DNAH2: variants seen among roughly 807,000 people sequenced by gnomAD.
DNAH2 encodes axonemal beta dynein heavy chain 2.
DNAH2 carries 323 observed loss-of-function variants against 523.5 expected under a neutral mutation model. The observed-to-expected ratio is 0.62, with a 90% CI of 0.56 to 0.68. DNAH2 has a LOEUF of 0.68. DNAH2 is among the 30% of genes least tolerant of loss of function. The pLI is 0.00. For synonymous variants in DNAH2, 2,093 were observed against 2,177.4 expected (o/e 0.96, Z 1.08); for missense variants, 4,907 against 5,701.5 (o/e 0.86, Z 4.49).
intron 63 of DNAH2, among the ~76,000 whole-genome samples, chr17:7,810,765 C>T (rs1312146026): frequency 6.6e-6 from 1 of 152,156 alleles, no homozygotes; most frequent in African/African-American, 2.4e-5. Flanking sequence ...AGTAAGAATC[C>T]CTGGCAGAGC....
Position 7,768,076 on chromosome 17 carries a change from C to T in DNAH2, c.3837+15C>T, listed in dbSNP as rs1325353734. On this transcript the variant is annotated intron_variant, in intron 23 of 85. Coordinates refer to ENST00000572933, the MANE Select transcript of DNAH2 (RefSeq NM_020877.5). ...AAGAGTATAAGGTGGGGAGAAACGGCGGGGAGGCGGAAGAGAAGCTGGTGG... is the reference window on the plus strand; with the variant it reads ...AAGAGTATAAGGTGGGGAGAAACGGTGGGGAGGCGGAAGAGAAGCTGGTGG... The T allele has an allele frequency of 1.2e-5, 20 of 1,613,912 alleles. No individual in the cohort carries two copies. The highest frequency in any genetic ancestry group is 2.2e-5 in the South Asian group (2 of 91,086).
intron 30 of DNAH2, 104 bp downstream of exon 30, chr17:7,775,446 G>C: frequency 8.9e-7 from 1 of 1,118,618 alleles, no homozygotes; most frequent in Non-Finnish European, 1.3e-6. Context: ...AGCACTTTGG[G>C]AGGCTGAGGT....
chr17:7,799,101 A>G lies in DNAH2; in HGVS notation c.8560-2A>G, dbSNP rs1276501693. 2 of 1,614,116 alleles carry G rather than the reference A, an allele frequency of 1.2e-6. No individual in the cohort carries two copies. The highest frequency in any genetic ancestry group is 1.7e-6 in the Non-Finnish European group (2 of 1,180,034). ...CTCTGACCCTGGGTGGCTTCTGTCC[A>G]GATCCAGTCGCATATCATAGACCAG... On this transcript the variant is annotated splice_acceptor_variant, in intron 55 of 85. Transcript: ENST00000572933. LOFTEE classifies it high-confidence loss of function.
rs1276795237 is a variant in DNAH2 at position 7,817,408 on chromosome 17, T to C, written c.10013T>C (p.Ile3338Thr). Residue 3338 changes from isoleucine to threonine, a missense_variant, in exon 65 of 86, where the codon ATC (isoleucine) becomes ACC (threonine). By Grantham distance (89) the Ile-to-Thr change is moderately conservative (BLOSUM62 -1). Transcript: ENST00000572933. ...YRDEIVNQIW[I>T]GKIWELQVPC... ...GATGAGATTGTCAACCAAATCTGGATCGGGAAGGTGAGATGGGACTCAGGC... is the reference window on the plus strand; with the variant it reads ...GATGAGATTGTCAACCAAATCTGGACCGGGAAGGTGAGATGGGACTCAGGC... The C allele has an allele frequency of 6.2e-7, 1 of 1,613,766 alleles. No homozygotes were observed. The highest frequency in any genetic ancestry group is 1.3e-5 in the African/African-American group (1 of 74,858).
At position 7,820,602 on chromosome 17, in the gene DNAH2, C is replaced by A. The variant is rs960714536; in HGVS notation, c.11016-641C>A. Among the ~76,000 whole-genome samples, 5 of 152,352 alleles carry A rather than the reference C, an allele frequency of 3.3e-5. No individual in the cohort carries two copies. In the East Asian group the frequency reaches 9.6e-4, roughly 29 times the overall value. On this transcript the variant is annotated intron_variant, in intron 72 of 85. Transcript: ENST00000572933. ...TCGGAAACTTTCCAAGTCCAGCAGG[C>A]AGGGACATCATAACTGATGGCCTCT...
rs372844661 is a variant in DNAH2 at position 7,764,044 on chromosome 17, G to A, written c.3179+13G>A. The A allele has an allele frequency of 1.2e-6, 2 of 1,614,012 alleles. No homozygotes were observed. Among genetic ancestry groups the A allele is most frequent in the African/African-American group, 1.3e-5 (1 of 74,926 alleles). ...AGAACGCAGAGAAGTGCGGGCTGGG[G>A]CGCCCCACAGGAAGGGGGCAGGGGC... On this transcript the variant is annotated intron_variant, in intron 19 of 85. Transcript: ENST00000572933.
At chr17:7,769,606 C>T (rs1000216210) in intron 24 of DNAH2, among the ~76,000 whole-genome samples, 1 of 152,164 alleles carries the variant, frequency 6.6e-6, no homozygotes. Flanking sequence ...TTCATTCTTT[C>T]CTCTAATGCT....
rs200533146 is a variant in DNAH2, at chr17:7,759,029, C to T, written c.2353C>T (p.Arg785Trp). The change falls in exon 15 of 86, where the codon CGG becomes TGG. Residue 785 changes from arginine (R) to tryptophan (W), a missense_variant. Physicochemically the swap from Arg to Trp is moderately radical, Grantham distance 101. This residue lies in a region of DNAH2 where 2,806 missense variants were observed against 3,190.8 expected (regional missense o/e 0.88). Transcript: ENST00000572933. The part of the protein sequence containing the change: ...LEFEEDQREH[R>W]AAVQQKLMNL... The stretch of plus-strand genomic sequence containing the variant: ...ATTTGAAGAGGACCAAAGAGAGCAT[C>T]GGGCAGCTGTACAGCAGAAATTGAT... The T allele has an allele frequency of 2.6e-5, 42 of 1,614,000 alleles. No homozygotes were observed. Among genetic ancestry groups the T allele is most frequent in the Admixed American group, 5.0e-5 (3 of 59,990 alleles).
Position 7,798,515 on chromosome 17 carries a change from G to C in DNAH2, c.8399-43G>C, listed in dbSNP as rs766712158. On this transcript the variant is annotated intron_variant, in intron 54 of 85. Coordinates refer to ENST00000572933, the MANE Select transcript of DNAH2 (RefSeq NM_020877.5). This position sits in a 1 kb window ranked among gnomAD's most constrained non-coding sequence, Gnocchi z 5.5. Reference sequence around the variant, plus strand: ...CAGAAAAGGAATCAAGCCCAGGATGGGGAATCTGCAGTGAGTTTGTCCTCC... The same window carrying C: ...CAGAAAAGGAATCAAGCCCAGGATGCGGAATCTGCAGTGAGTTTGTCCTCC... The C allele has an allele frequency of 6.2e-7, 1 of 1,608,934 alleles. No homozygotes were observed. Among genetic ancestry groups the C allele is most frequent in the Admixed American group, 1.7e-5 (1 of 59,814 alleles).
chr17:7,761,593 T>C (rs960447507), intron 18 of DNAH2, among the ~76,000 whole-genome samples: 1 of 151,806 alleles, frequency 6.6e-6, no homozygotes, highest in East Asian at 1.9e-4. Flanking sequence ...CAAGCAATTC[T>C]CCTGCCTCAG....
chr17:7,832,794 G>A lies in DNAH2; in HGVS notation c.12903+39G>A. 6.2e-7 allele frequency: 1 copy of A among 1,614,056 alleles called. No individual in the cohort carries two copies. Among genetic ancestry groups the A allele is most frequent in the Non-Finnish European group, 8.5e-7 (1 of 1,179,982 alleles). On this transcript the variant is annotated intron_variant, in intron 83 of 85. Transcript: ENST00000572933. The surrounding 1 kb of genome is among the most constrained non-coding windows in gnomAD (Gnocchi z 4.3). ...AAAGTGTGAGGGGGGGATGTATGCT[G>A]GGGCCATGTATGTGTTCTCCTCTTC...
At chr17:7,793,831 A>T (rs965613976) in intron 48 of DNAH2, among the ~76,000 whole-genome samples, 3 of 152,090 alleles carry the variant, frequency 2.0e-5, no homozygotes, top group African/African-American at 7.2e-5. Flanking sequence ...TCTGGCACTC[A>T]GGGCCAAAAA....
intron 58 of DNAH2, 94 bp from the exon 59 acceptor site, chr17:7,804,162 C>A (rs573948020): frequency 3.1e-6 from 4 of 1,300,698 alleles, no homozygotes; most frequent in Admixed American, 2.0e-5. Context: ...GAAAGGAAGG[C>A]GGACTCGAGA....
rs1211113486 is a variant in DNAH2, at chr17:7,819,205, G to A, written c.10816-4G>A. On this transcript the variant is annotated splice_region_variant and splice_polypyrimidine_tract_variant and intron_variant, in intron 71 of 85. Coordinates refer to ENST00000572933, the MANE Select transcript of DNAH2 (RefSeq NM_020877.5). ...GCCCTGACTCCACCCATCCCCACCGGCAGGCTTACCGCCCATGCGCCCAGC... is the reference window on the plus strand; with the variant it reads ...GCCCTGACTCCACCCATCCCCACCGACAGGCTTACCGCCCATGCGCCCAGC... The A allele has an allele frequency of 1.2e-6, 2 of 1,613,118 alleles. No individual in the cohort carries two copies. The highest frequency in any genetic ancestry group is 1.7e-6 in the Non-Finnish European group (2 of 1,180,006).
At position 7,818,797 on chromosome 17, in the gene DNAH2, C is replaced by G. The variant is rs1355036287; in HGVS notation, c.10670+21C>G. On this transcript the variant is annotated intron_variant, in intron 70 of 85. Transcript: ENST00000572933. ...CTGCGGTGAGGCCCTGCCTTCCCCT[C>G]CCACTGCCCCACGGGTCTACTCCCA... 3.1e-6 allele frequency: 5 copies of G among 1,613,644 alleles called. No individual in the cohort carries two copies. The East Asian group carries it at 8.9e-5, about 29-fold the overall frequency.
chr17:7,780,879 G>C lies in DNAH2; in HGVS notation c.6003+97G>C. On this transcript the variant is annotated intron_variant, in intron 38 of 85. Coordinates refer to ENST00000572933, the MANE Select transcript of DNAH2 (RefSeq NM_020877.5). This position sits in a 1 kb window ranked among gnomAD's most constrained non-coding sequence, Gnocchi z 4.4. ...TCAGACCCTTTCTTTCCTCAGATTGGGATTCTCACCTTCCCACCTCGTCCC... is the reference window on the plus strand; with the variant it reads ...TCAGACCCTTTCTTTCCTCAGATTGCGATTCTCACCTTCCCACCTCGTCCC... 1 of 1,590,632 alleles carries C rather than the reference G, an allele frequency of 6.3e-7. No individual in the cohort carries two copies. Among genetic ancestry groups the C allele is most frequent in the Non-Finnish European group, 8.6e-7 (1 of 1,166,800 alleles).
At position 7,804,937 on chromosome 17, in the gene DNAH2, T is replaced by A. The variant is rs199936729; in HGVS notation, c.9184-21T>A. 6.8e-6 allele frequency: 11 copies of A among 1,606,094 alleles called. No homozygotes were observed. The East Asian group carries it at 2.5e-4, about 36-fold the overall frequency. ...TGCCCAAGGCAAAGACAAAAAACCCTTGTCCTTTTTTCATCCCTAGGCCGT... is the reference window on the plus strand; with the variant it reads ...TGCCCAAGGCAAAGACAAAAAACCCATGTCCTTTTTTCATCCCTAGGCCGT... On this transcript the variant is annotated intron_variant, in intron 59 of 85. Transcript: ENST00000572933.
In DNAH2 at chr17:7,760,547, T is replaced by A. The variant is rs2075977058; in HGVS notation, c.2786-193T>A. ...AGATACCAACAGACAAGACATCACA[T>A]CCTATGAAGGAGACACTAAGAGTCA... On this transcript the variant is annotated intron_variant, in intron 17 of 85. Coordinates refer to ENST00000572933, the MANE Select transcript of DNAH2 (RefSeq NM_020877.5). This position sits in a 1 kb window ranked among gnomAD's most constrained non-coding sequence, Gnocchi z 4.0. Among the ~76,000 whole-genome samples the A allele has an allele frequency of 6.6e-6, 1 of 152,068 alleles. No individual in the cohort carries two copies. Among genetic ancestry groups the A allele is most frequent in the African/African-American group, 2.4e-5 (1 of 41,384 alleles).
rs774642836 is a variant in DNAH2, at chr17:7,832,745, G to A, written c.12893G>A (p.Arg4298His). Residue 4298 changes from arginine to histidine, a missense_variant, in exon 83 of 86, where the codon CGC becomes CAC. Physicochemically the swap from Arg to His is conservative, Grantham distance 29 (BLOSUM62 0). Coordinates refer to ENST00000572933, the MANE Select transcript of DNAH2 (RefSeq NM_020877.5). This position sits in a 1 kb window ranked among gnomAD's most constrained non-coding sequence, Gnocchi z 4.3. ...FLTAVLQSSA[R>H]QNNVSVDSLS... is the part of the protein sequence containing the mutation. ...ACTGCTGTGCTGCAGTCTTCAGCTC[G>A]CCAAAACAACGTGAGCAATGTGCAA... The A allele has an allele frequency of 3.7e-6, 6 of 1,613,838 alleles. No homozygotes were observed. Among genetic ancestry groups the A allele is most frequent in the African/African-American group, 1.3e-5 (1 of 74,866 alleles).
Sources: gnomAD v4.1 joint callset for allele counts (sites outside exome capture counted in the v4.1 genomes callset) on GRCh38, gnomAD v4.1.1 for gene constraint, gnomAD v4.1.1 regional missense constraint, Gnocchi (gnomAD v3.1) non-coding constraint, MANE v1.5 for transcripts, NCBI Gene and HGNC (gene_info 2026-07-23, HGNC 2026-07-21) for gene names.